The following TOX variants were observed in gnomAD, a reference collection of about 807,000 sequenced individuals.
TOX encodes thymocyte selection associated high mobility group box.
Under a neutral mutation model 53.7 loss-of-function variants are expected in TOX, and 11 were observed. The observed-to-expected ratio is 0.20, with a 90% confidence interval of 0.13 to 0.34. TOX has a LOEUF of 0.34. Among genes scored for constraint, TOX ranks in the 10% least tolerant of loss-of-function variants. TOX has a pLI of 1.00. For missense variants in TOX, 570 were observed against 664.6 expected (o/e 0.86, Z 1.56); for synonymous variants, 225 against 245.3 (o/e 0.92, Z 0.77).
chr8:58,880,354 C>A (rs1027192036), intron 3 of TOX, among the ~76,000 whole-genome samples: 1 of 152,188 alleles, frequency 6.6e-6, no homozygotes, highest in African/African-American at 2.4e-5. Flanking sequence ...AAACCCATCC[C>A]TTCAGAGCTG....
intron 4 of TOX, among the ~76,000 whole-genome samples, chr8:58,844,095 T>C (rs1248236431): frequency 6.6e-6 from 1 of 152,176 alleles, no homozygotes; most frequent in African/African-American, 2.4e-5. Context: ...CATAGATGGA[T>C]GGAAGCTTAT....
intron 1 of TOX, among the ~76,000 whole-genome samples, chr8:59,047,918 A>G (rs1244581207): frequency 1.3e-5 from 2 of 152,184 alleles, no homozygotes; most frequent in Non-Finnish European, 2.9e-5. Context: ...TGCATTTCAC[A>G]TGGATGTAAA....
At chr8:58,957,273 C>A (rs980902897) in intron 2 of TOX, among the ~76,000 whole-genome samples, 1 of 152,168 alleles carries the variant, frequency 6.6e-6, no homozygotes, top group African/African-American at 2.4e-5. Context: ...GAGTGACCAG[C>A]ACACTTATAG....
At chr8:59,022,335 A>AAACCC (rs1237310510) in intron 1 of TOX, among the ~76,000 whole-genome samples, 1 of 152,162 alleles carries the variant, frequency 6.6e-6, no homozygotes, top group Admixed American at 6.5e-5. Context: ...TCAGTGTAGA[A>AAACCC]AACCCAACCA....
chr8:58,810,624 A>G (rs1810061667), intron 7 of TOX, among the ~76,000 whole-genome samples: 2 of 152,154 alleles, frequency 1.3e-5, no homozygotes, highest in South Asian at 4.1e-4. Flanking sequence ...AAGTGCTGGG[A>G]TTACACGAGT....
intron 1 of TOX, among the ~76,000 whole-genome samples, chr8:59,100,031 CTT>C (rs199603479): frequency 6.7e-6 from 1 of 148,450 alleles, no homozygotes; most frequent in African/African-American, 2.5e-5. Context: ...AGAATTGCAT[CTT>C]TTTTTTTTTC....
At chr8:59,020,626 T>C (rs1007135415) in intron 1 of TOX, among the ~76,000 whole-genome samples, 7 of 152,138 alleles carry the variant, frequency 4.6e-5, no homozygotes, top group African/African-American at 1.7e-4. Flanking sequence ...CATGTAAAAG[T>C]ATTATCATAC....
chr8:59,051,816 A>C (rs954604741), intron 1 of TOX, among the ~76,000 whole-genome samples: 3 of 152,058 alleles, frequency 2.0e-5, no homozygotes, highest in African/African-American at 7.2e-5. Flanking sequence ...TGGTATTTAG[A>C]CTCCCAATAC....
rs944584358 is a variant in TOX at position 59,030,034 on chromosome 8, T to C, written c.103-70026A>G. Among the ~76,000 whole-genome samples the C allele has an allele frequency of 7.2e-5, 11 of 152,302 alleles. 1 individual carries two copies. Among genetic ancestry groups the C allele is most frequent in the Admixed American group, 5.9e-4 (9 of 15,292 alleles). On this transcript the variant is annotated intron_variant, in intron 1 of 8. Transcript: ENST00000361421. The stretch of plus-strand genomic sequence containing the variant: ...GATAATTAACATGGTATTTTTATAA[T>C]ACTGATACATCAAATGGGACCTTAA...
intron 1 of TOX, among the ~76,000 whole-genome samples, chr8:58,993,211 A>G (rs1813489464): frequency 2.0e-5 from 3 of 152,208 alleles, no homozygotes; most frequent in Admixed American, 2.0e-4. Flanking sequence ...TCTACATAAG[A>G]GAGGTCTAAA....
At chr8:59,044,194 G>GA (rs893061203) in intron 1 of TOX, among the ~76,000 whole-genome samples, 3 of 108,660 alleles carry the variant, frequency 2.8e-5, no homozygotes, top group East Asian at 3.9e-4. Flanking sequence ...GCTTCAGAAG[G>GA]AAAAAAAATT....
rs185491720 is a variant in TOX, at chr8:59,095,243, G to T, written c.102+23643C>A. Among the ~76,000 whole-genome samples, 790 of 144,864 alleles carry T rather than the reference G, an allele frequency of 5.5e-3. 10 individuals are homozygous for T. Among genetic ancestry groups the T allele is most frequent in the African/African-American group, 0.019 (759 of 40,204 alleles). ...AGGTAATATTCGCTCTAAAAGAGTTGTTTTTTTTTTCCATAGGAATTTCAG... is the reference window on the plus strand; with the variant it reads ...AGGTAATATTCGCTCTAAAAGAGTTTTTTTTTTTTTCCATAGGAATTTCAG... On this transcript the variant is annotated intron_variant, in intron 1 of 8. Coordinates refer to ENST00000361421, the MANE Select transcript of TOX (RefSeq NM_014729.3).
chr8:58,896,724 C>T (rs559363511), intron 3 of TOX, among the ~76,000 whole-genome samples: 28 of 148,194 alleles, frequency 1.9e-4, no homozygotes, highest in African/African-American at 6.8e-4. Flanking sequence ...ACAAAAAATC[C>T]TTTTCACCTT....
At chr8:58,918,724 G>T (rs1311141716) in intron 3 of TOX, among the ~76,000 whole-genome samples, 2 of 66,074 alleles carry the variant, frequency 3.0e-5, no homozygotes, top group Admixed American at 1.9e-4. Context: ...GCAGGAGAAG[G>T]AAATAAAGGG....
At chr8:59,076,015 AAAAAG>A (rs1258608700) in intron 1 of TOX, among the ~76,000 whole-genome samples, 2 of 138,774 alleles carry the variant, frequency 1.4e-5, no homozygotes, top group East Asian at 4.1e-4. Flanking sequence ...CAAAAAAAAA[AAAAAG>A]GGGGTCAGGA....
At chr8:58,963,302 G>GATATATATATATATAT (rs748048781) in intron 1 of TOX, among the ~76,000 whole-genome samples, 2 of 122,048 alleles carry the variant, frequency 1.6e-5, no homozygotes, top group African/African-American at 3.8e-5. Flanking sequence ...AAGATAGATA[G>GATATATATATATATAT]ATAGATATAT....
chr8:59,086,091 T>C (rs1804504577), intron 1 of TOX, among the ~76,000 whole-genome samples: 1 of 151,414 alleles, frequency 6.6e-6, no homozygotes, highest in African/African-American at 2.4e-5. Flanking sequence ...GTTCAAGTGA[T>C]TCTCCTGCCT....
intron 1 of TOX, among the ~76,000 whole-genome samples, chr8:59,012,989 G>T (rs1393989602): frequency 6.6e-6 from 1 of 151,174 alleles, no homozygotes; most frequent in Non-Finnish European, 1.5e-5. Context: ...AATCAAACTA[G>T]TGGTTAATGC....
At chr8:58,966,938 G>T (rs1172634584) in intron 1 of TOX, among the ~76,000 whole-genome samples, 1 of 146,438 alleles carries the variant, frequency 6.8e-6, no homozygotes, top group East Asian at 2.1e-4. Context: ...GCAGTGGCAC[G>T]ATCTTGGCTC....
Sources: gnomAD v4.1 joint callset for allele counts (sites outside exome capture counted in the v4.1 genomes callset) on GRCh38, gnomAD v4.1.1 for gene constraint, MANE v1.5 for transcripts, NCBI Gene and HGNC (gene_info 2026-07-23, HGNC 2026-07-21) for gene names.